The following RCAN2 variants were observed in gnomAD, a reference collection of about 807,000 sequenced individuals.
The protein encoded by RCAN2 is calcipressin-2.
A neutral mutation model predicts 23.6 loss-of-function variants in RCAN2; 9 were observed. The ratio of observed to expected loss-of-function variants is 0.38; its 90% CI spans 0.23 to 0.67. The LOEUF (loss-of-function observed/expected upper bound fraction) is 0.67, where lower values mean the gene tolerates loss of function less well. RCAN2 is among the 30% of genes least tolerant of loss of function. The pLI is 0.51. For synonymous variants in RCAN2, 109 were observed against 115.7 expected (o/e 0.94, Z 0.37); for missense variants, 273 against 302.3 (o/e 0.90, Z 0.72).
At chr6:46,299,764 A>T (rs916517108) in intron 2 of RCAN2, among the ~76,000 whole-genome samples, 4 of 152,050 alleles carry the variant, frequency 2.6e-5, no homozygotes, top group African/African-American at 4.8e-5. Context: ...GGTTATTGTG[A>T]GGATTGAATG....
intron 2 of RCAN2, among the ~76,000 whole-genome samples, chr6:46,344,197 T>C (rs1764416073): frequency 6.6e-6 from 1 of 152,192 alleles, no homozygotes; most frequent in Admixed American, 6.5e-5. Context: ...GCGGATTTTA[T>C]GATAGTTAAT....
At position 46,479,347 on chromosome 6, in the gene RCAN2, T is replaced by C. The variant is rs542604336; in HGVS notation, c.-3+11826A>G. 2.0e-5 allele frequency among the ~76,000 whole-genome samples: 3 copies of C among 152,342 alleles called. No homozygotes were observed. The South Asian group carries it at 6.2e-4, about 32-fold the overall frequency. On this transcript the variant is annotated intron_variant, in intron 1 of 4. Transcript: ENST00000371374. ...TAAATACATACAAACATAAAAATTC[T>C]TATAGTTTCAGCTCCTCTAAAATCA... is the stretch of plus-strand genomic sequence containing the variant.
intron 1 of RCAN2, among the ~76,000 whole-genome samples, chr6:46,478,890 T>TA (rs1768782436): frequency 6.6e-6 from 1 of 152,150 alleles, no homozygotes; most frequent in African/African-American, 2.4e-5. Context: ...CACAAATCTT[T>TA]ATGGTGGTGA....
In RCAN2 at chr6:46,456,794, C is replaced by G; in HGVS notation, c.183G>C (p.Ala61=). The G allele has an allele frequency of 6.4e-6, 10 of 1,550,820 alleles. No homozygotes were observed. Among genetic ancestry groups the G allele is most frequent in the Non-Finnish European group, 8.7e-6 (10 of 1,147,030 alleles). ...CAAACACTGACTGGTGAACATTGCA[C>G]GCAAACAACGAGTTGGGGAGGTCAT... ...DFNDLPNSLF[A]CNVHQSVFEG... The change falls in exon 2 of 5, where the codon GCG becomes GCC. Residue 61 remains alanine, a synonymous_variant. Coordinates refer to ENST00000371374, the MANE Select transcript of RCAN2 (RefSeq NM_001251974.2).
intron 2 of RCAN2, among the ~76,000 whole-genome samples, chr6:46,277,482 T>C (rs965009875): frequency 5.3e-5 from 8 of 152,036 alleles, no homozygotes; most frequent in Non-Finnish European, 1.2e-4. Context: ...GGGTGGGTGG[T>C]TGCCCTATCA....
At position 46,246,928 on chromosome 6, in the gene RCAN2, T is replaced by TA. The variant is rs1766534397; in HGVS notation, c.400-10dup. ...GTCTCTGGAGTCTGAACCTTTCAAA[T>TA]AGAGTAGAGATGAAGAAACTTATTC... On this transcript the variant is annotated splice_polypyrimidine_tract_variant and intron_variant, in intron 3 of 4. Coordinates refer to ENST00000371374, the MANE Select transcript of RCAN2 (RefSeq NM_001251974.2). The TA allele has an allele frequency of 6.5e-7, 1 of 1,527,064 alleles. No individual in the cohort carries two copies. The highest frequency in any genetic ancestry group is 8.8e-7 in the Non-Finnish European group (1 of 1,135,882). 94.6% of individuals were successfully genotyped at this position (1,527,064 alleles called of 1,614,324 possible). A position where few individuals can be genotyped will look rare whatever the true frequency, so the allele number is the denominator to read the frequency against.
At chr6:46,411,883 T>A (rs1398308852) in intron 2 of RCAN2, among the ~76,000 whole-genome samples, 1 of 152,136 alleles carries the variant, frequency 6.6e-6, no homozygotes, top group African/African-American at 2.4e-5. Context: ...GCAGGTATGA[T>A]CAGAGTACAG....
intron 2 of RCAN2, among the ~76,000 whole-genome samples, chr6:46,258,924 A>G (rs1767013052): frequency 6.6e-6 from 1 of 152,180 alleles, no homozygotes; most frequent in Non-Finnish European, 1.5e-5. Context: ...ATAACCTTTG[A>G]ATGAGGGAGG....
intron 2 of RCAN2, among the ~76,000 whole-genome samples, chr6:46,304,554 T>A (rs1763005005): frequency 6.6e-6 from 1 of 152,150 alleles, no homozygotes; most frequent in Non-Finnish European, 1.5e-5. Context: ...AGAAGTTGTC[T>A]GTTTATTTGA....
intron 1 of RCAN2, among the ~76,000 whole-genome samples, chr6:46,476,461 A>G (rs1386747998): frequency 6.6e-6 from 1 of 152,256 alleles, no homozygotes; most frequent in Non-Finnish European, 1.5e-5. Context: ...AGTGCTTGTT[A>G]CATGCAAGAT....
At chr6:46,244,072 T>G (rs1766422862) in intron 4 of RCAN2, among the ~76,000 whole-genome samples, 1 of 152,014 alleles carries the variant, frequency 6.6e-6, no homozygotes, top group Non-Finnish European at 1.5e-5. Flanking sequence ...TCCAAATCCA[T>G]AAAATGGGGA....
At chr6:46,328,388 G>C (rs1763860867) in intron 2 of RCAN2, among the ~76,000 whole-genome samples, 1 of 152,172 alleles carries the variant, frequency 6.6e-6, no homozygotes, top group South Asian at 2.1e-4. Context: ...TCTTAAGTTG[G>C]GCAAATTGTG....
At chr6:46,352,642 T>C (rs1417610540) in intron 2 of RCAN2, among the ~76,000 whole-genome samples, 1 of 152,156 alleles carries the variant, frequency 6.6e-6, no homozygotes, top group African/African-American at 2.4e-5. Flanking sequence ...GACTGAAACA[T>C]TCACTGTGCT....
intron 2 of RCAN2, among the ~76,000 whole-genome samples, chr6:46,330,547 C>T (rs1763934737): frequency 6.6e-6 from 1 of 152,186 alleles, no homozygotes; most frequent in South Asian, 2.1e-4. Flanking sequence ...TCCTTAGTAT[C>T]ACCAAACGTC....
intron 4 of RCAN2, among the ~76,000 whole-genome samples, chr6:46,231,357 C>A (rs1312282626): frequency 1.3e-5 from 2 of 152,086 alleles, no homozygotes; most frequent in African/African-American, 2.4e-5. Flanking sequence ...GAACTTCTAA[C>A]TTCCAGAACG....
intron 2 of RCAN2, among the ~76,000 whole-genome samples, chr6:46,412,572 GA>G (rs1242086045): frequency 6.6e-6 from 1 of 152,206 alleles, no homozygotes; most frequent in Non-Finnish European, 1.5e-5. Flanking sequence ...ACACTGAAAA[GA>G]AGTAGCAATG....
chr6:46,396,108 C>G (rs1766081440), intron 2 of RCAN2, among the ~76,000 whole-genome samples: 2 of 152,190 alleles, frequency 1.3e-5, no homozygotes, highest in Admixed American at 1.3e-4. Context: ...CAGTTAATTT[C>G]TTTCATGCCT....
At chr6:46,329,366 C>T (rs1452245236) in intron 2 of RCAN2, among the ~76,000 whole-genome samples, 1 of 152,134 alleles carries the variant, frequency 6.6e-6, no homozygotes, top group Non-Finnish European at 1.5e-5. Context: ...CTTTTCACTA[C>T]CTGAAATTAT....
chr6:46,308,798 T>C (rs144718851), intron 2 of RCAN2, among the ~76,000 whole-genome samples: 302 of 152,066 alleles, frequency 2.0e-3, no homozygotes, highest in African/African-American at 7.1e-3. Context: ...AATAGGAAAG[T>C]AGTTTGAAGT....
Sources: allele counts gnomAD v4.1 joint callset (sites outside exome capture counted in the v4.1 genomes callset), GRCh38; gene constraint gnomAD v4.1.1; transcripts MANE v1.5; gene names NCBI Gene and HGNC (gene_info 2026-07-23, HGNC 2026-07-21).